LSAMP: variants seen among roughly 807,000 people sequenced by gnomAD.
The protein encoded by LSAMP is limbic system-associated membrane protein.
LSAMP carries 7 observed loss-of-function variants against 38.6 expected under a neutral mutation model. The ratio of observed to expected loss-of-function variants is 0.18; its 90% CI spans 0.10 to 0.34. The LOEUF (loss-of-function observed/expected upper bound fraction) is 0.34, where lower values mean the gene tolerates loss of function less well. Ranked by LOEUF, LSAMP falls within the 10% of genes least tolerant of loss-of-function variation. The pLI is 1.00. For missense variants in LSAMP, 313 were observed against 420.0 expected, an observed-to-expected ratio of 0.75 and a Z score of 2.23; for synonymous variants, 154 against 166.8, an observed-to-expected ratio of 0.92 and a Z score of 0.59.
chr3:116,300,532 G>A (rs1394819629), intron 1 of LSAMP, among the ~76,000 whole-genome samples: 1 of 152,186 alleles, frequency 6.6e-6, no homozygotes, highest in Non-Finnish European at 1.5e-5. Flanking sequence ...GTAAGGGGCA[G>A]GCCTGAGCTC....
intron 3 of LSAMP, among the ~76,000 whole-genome samples, chr3:116,004,522 G>GTATATATATATATATATGTGTATA (rs149186725): frequency 6.9e-6 from 1 of 145,050 alleles, no homozygotes; most frequent in Non-Finnish European, 1.5e-5. Flanking sequence ...ATATATATGT[G>GTATATATATATATATATGTGTATA]TATATATATA....
intron 2 of LSAMP, among the ~76,000 whole-genome samples, chr3:116,060,490 G>A (rs1440405112): frequency 2.6e-5 from 4 of 152,174 alleles, no homozygotes; most frequent in Admixed American, 6.5e-5. Context: ...TCTGGGTGCC[G>A]TGGCTCACGC....
chr3:116,332,922 T>C (rs1378333712), intron 1 of LSAMP, among the ~76,000 whole-genome samples: 1 of 152,026 alleles, frequency 6.6e-6, no homozygotes, highest in East Asian at 1.9e-4. Flanking sequence ...TAATAGACTG[T>C]TCAATACAGT....
chr3:115,901,117 A>G (rs571949593), intron 3 of LSAMP, among the ~76,000 whole-genome samples: 3 of 152,174 alleles, frequency 2.0e-5, no homozygotes, highest in African/African-American at 7.2e-5. Flanking sequence ...TTATGGATAC[A>G]TTCTCTGCTA....
chr3:115,812,210 A>G (rs1933859321), intron 6 of LSAMP, among the ~76,000 whole-genome samples: 2 of 152,248 alleles, frequency 1.3e-5, no homozygotes, highest in African/African-American at 4.8e-5. Flanking sequence ...ATCAGCATAC[A>G]GTATAAAATG....
At chr3:116,203,254 G>C (rs981235560) in intron 1 of LSAMP, among the ~76,000 whole-genome samples, 11 of 152,084 alleles carry the variant, frequency 7.2e-5, no homozygotes, top group African/African-American at 2.7e-4. Context: ...GTTCTCTTCA[G>C]TAGATTTCCT....
chr3:115,925,104 G>A (rs1937468923), intron 3 of LSAMP, among the ~76,000 whole-genome samples: 1 of 152,126 alleles, frequency 6.6e-6, no homozygotes, highest in Admixed American at 6.6e-5. Flanking sequence ...ACTCTTTGAG[G>A]GGTAGGCCAT....
chr3:116,437,005 ATGTGTATATATATGTG>A, intron 1 of LSAMP, among the ~76,000 whole-genome samples: 1 of 149,162 alleles, frequency 6.7e-6, no homozygotes, highest in South Asian at 2.1e-4. Context: ...ATATATATAT[ATGTGTATATATATGTG>A]TGTGTATATA....
At chr3:116,099,664 G>A (rs1443430118) in intron 1 of LSAMP, among the ~76,000 whole-genome samples, 1 of 152,118 alleles carries the variant, frequency 6.6e-6, no homozygotes, top group African/African-American at 2.4e-5. Context: ...GAATTTATCT[G>A]AAGTATTTGT....
chr3:116,275,989 G>A (rs929369593), intron 1 of LSAMP, among the ~76,000 whole-genome samples: 9 of 152,164 alleles, frequency 5.9e-5, no homozygotes, highest in Non-Finnish European at 1.3e-4. Flanking sequence ...ATAATCACAT[G>A]CATGAGGAGA....
At chr3:116,164,760 A>ATATTT (rs374542146) in intron 1 of LSAMP, among the ~76,000 whole-genome samples, 15,573 of 90,918 alleles carry the variant, frequency 0.17, 2,357 homozygotes, top group Non-Finnish European at 0.22. Flanking sequence ...ATATATATAT[A>ATATTT]TTTTTTTTTT....
At position 116,191,689 on chromosome 3, in the gene LSAMP, T is replaced by C. The variant is rs375740209; in HGVS notation, c.156-105133A>G. 7.9e-5 allele frequency among the ~76,000 whole-genome samples: 12 copies of C among 151,950 alleles called. No homozygotes were observed. In the South Asian group the frequency reaches 2.5e-3, roughly 32 times the overall value. The stretch of plus-strand genomic sequence containing the variant: ...TCTTCTGTCTTGAATCAGGTTTTTG[T>C]GCCATTCCATTTTCTCAACATTCCT... On this transcript the variant is annotated intron_variant, in intron 1 of 6. Coordinates refer to ENST00000490035, the MANE Select transcript of LSAMP (RefSeq NM_002338.5).
At chr3:116,003,457 T>C (rs993225349) in intron 3 of LSAMP, among the ~76,000 whole-genome samples, 1 of 152,180 alleles carries the variant, frequency 6.6e-6, no homozygotes, top group Non-Finnish European at 1.5e-5. Context: ...TTTGGGTTTG[T>C]TCCACTCAAA....
intron 1 of LSAMP, among the ~76,000 whole-genome samples, chr3:116,387,412 G>C (rs2048639474): frequency 6.6e-6 from 1 of 152,142 alleles, no homozygotes. Context: ...TATATACAGA[G>C]GTGTTCAGTA....
chr3:115,880,055 C>T (rs1215259568), intron 3 of LSAMP, among the ~76,000 whole-genome samples: 1 of 152,104 alleles, frequency 6.6e-6, no homozygotes, highest in African/African-American at 2.4e-5. Context: ...GATTTGAATA[C>T]ACTGAATGCA....
chr3:115,826,954 G>A (rs1015850834), intron 6 of LSAMP, among the ~76,000 whole-genome samples: 1 of 128,918 alleles, frequency 7.8e-6, no homozygotes, highest in East Asian at 2.0e-4. Flanking sequence ...GGATCATTCC[G>A]TCTTTTTTTT....
intron 3 of LSAMP, among the ~76,000 whole-genome samples, chr3:115,874,232 C>G (rs1936124255): frequency 6.6e-6 from 1 of 152,066 alleles, no homozygotes; most frequent in South Asian, 2.1e-4. Flanking sequence ...AAAAGACATT[C>G]CTTTCTCTTT....
chr3:116,009,582 A>T (rs1940264941), intron 3 of LSAMP, among the ~76,000 whole-genome samples: 1 of 152,192 alleles, frequency 6.6e-6, no homozygotes, highest in Non-Finnish European at 1.5e-5. Flanking sequence ...TGCTCTGGGT[A>T]ATTCCGATGA....
rs2049499166 is a variant in LSAMP, at chr3:116,445,481, A to G, written c.-450T>C. 2.3e-6 allele frequency: 1 copy of G among 425,976 alleles called. No homozygotes were observed. Among genetic ancestry groups the G allele is most frequent in the Non-Finnish European group, 4.1e-6 (1 of 243,880 alleles). The allele number at this position is 425,976 out of a possible 1,614,324, so 26.4% of individuals were successfully genotyped here. On this transcript the variant is annotated 5_prime_UTR_variant, in exon 1 of 7. Coordinates refer to ENST00000490035, the MANE Select transcript of LSAMP (RefSeq NM_002338.5). ...TGCCAGTGAGTGTACAGAAACAGCCACACAGCAGCAGCAGCAGCAGAAGCA... is the reference window on the plus strand; with the variant it reads ...TGCCAGTGAGTGTACAGAAACAGCCGCACAGCAGCAGCAGCAGCAGAAGCA...
Sources: gnomAD v4.1 joint callset for allele counts (sites outside exome capture counted in the v4.1 genomes callset) on GRCh38, gnomAD v4.1.1 for gene constraint, MANE v1.5 for transcripts, NCBI Gene and HGNC (gene_info 2026-07-23, HGNC 2026-07-21) for gene names.